Variants in OAS3 observed in about 807,000 individuals in gnomAD.
OAS3 encodes 2'-5'-oligoadenylate synthase 3.
Under a neutral mutation model 113.0 loss-of-function variants are expected in OAS3, and 107 were observed. The observed-to-expected ratio is 0.95, with a 90% CI of 0.81 to 1.11. OAS3 has a LOEUF of 1.11. Ranked by LOEUF, OAS3 falls within the 50% of genes most tolerant of loss-of-function variation. The pLI, the probability that OAS3 is intolerant of heterozygous loss-of-function variation, is 0.00. For synonymous variants in OAS3, 552 were observed against 573.6 expected (o/e 0.96, Z 0.54); for missense variants, 1,258 against 1,389.1 (o/e 0.91, Z 1.50).
chr12:112,967,397 T>A, intron 12 of OAS3, 21 bp from the exon 13 acceptor site: 1 of 1,601,830 alleles, frequency 6.2e-7, no homozygotes, highest in Non-Finnish European at 8.5e-7. Flanking sequence ...GGAGTGATGG[T>A]AACCATCTCC....
At position 112,946,924 on chromosome 12, in the gene OAS3, A is replaced by G. The variant is rs1470816263; in HGVS notation, c.818A>G (p.Tyr273Cys). 6.2e-6 allele frequency: 10 copies of G among 1,614,008 alleles called. No individual in the cohort carries two copies. Among genetic ancestry groups the G allele is most frequent in the South Asian group, 1.1e-5 (1 of 91,078 alleles). ...QHLCVFWTVN[Y>C]GFEDPAVGQF... is the part of the protein sequence containing the mutation. ...CTGTGTGTTTTCTGGACTGTCAACTATGGCTTCGAGGACCCTGCAGTTGGG... is the reference window on the plus strand; with the variant it reads ...CTGTGTGTTTTCTGGACTGTCAACTGTGGCTTCGAGGACCCTGCAGTTGGG... Residue 273 changes from tyrosine to cysteine, a missense_variant, in exon 4 of 16, where the codon TAT becomes TGT. Transcript: ENST00000228928.
chr12:112,942,042 T>C, intron 2 of OAS3, 190 bp downstream of exon 2: 1 of 681,990 alleles, frequency 1.5e-6, no homozygotes, highest in East Asian at 2.7e-5. Context: ...CCCCAGTTCC[T>C]CCTGGATCTG....
rs779017366 is a variant in OAS3, at chr12:112,948,897, C to T, written c.1066C>T (p.Pro356Ser). The T allele has an allele frequency of 5.0e-6, 8 of 1,598,400 alleles. No homozygotes were observed. The highest frequency in any genetic ancestry group is 6.8e-6 in the Non-Finnish European group (8 of 1,172,290). Residue 356 changes from proline to serine, a missense_variant, in exon 6 of 16, where the codon CCC becomes TCC. Coordinates refer to ENST00000228928, the MANE Select transcript of OAS3 (RefSeq NM_006187.4). ...PRAGCSGLGH[P>S]IQLDPNQKTP... ...TGCTGGATGCTCAGGTTTGGGCCACCCCATCCAGCTAGACCCTAACCAGAA... is the reference window on the plus strand; with the variant it reads ...TGCTGGATGCTCAGGTTTGGGCCACTCCATCCAGCTAGACCCTAACCAGAA...
chr12:112,962,990 G>A (rs903292589), intron 9 of OAS3, 88 bp downstream of exon 9: 2 of 1,560,478 alleles, frequency 1.3e-6, no homozygotes, highest in Non-Finnish European at 1.7e-6. Context: ...GGAGTCCAAG[G>A]TAGGGTTTGG....
intron 3 of OAS3, 117 bp downstream of exon 3, chr12:112,944,768 CTGTT>C (rs2043712663): frequency 9.3e-7 from 1 of 1,072,438 alleles, no homozygotes; most frequent in South Asian, 1.3e-5. Flanking sequence ...TGGGAATTGT[CTGTT>C]TATGTCCCTT....
intron 7 of OAS3, among the ~76,000 whole-genome samples, chr12:112,959,425 T>C (rs566840281): frequency 6.6e-6 from 1 of 152,264 alleles, no homozygotes; most frequent in East Asian, 1.9e-4. Context: ...CCATCTTCTG[T>C]GTCACTCACG....
At chr12:112,966,474 T>C (rs1253106683) in intron 12 of OAS3, among the ~76,000 whole-genome samples, 1 of 152,202 alleles carries the variant, frequency 6.6e-6, no homozygotes, top group East Asian at 1.9e-4. Context: ...CTGTGCCCAG[T>C]GCTCTTCCAG....
chr12:112,949,255 G>T (rs368625790), intron 6 of OAS3, 50 bp downstream of exon 6: 2 of 1,518,770 alleles, frequency 1.3e-6, no homozygotes, highest in Non-Finnish European at 1.8e-6. Context: ...AGGGATCAGC[G>T]TGGGGAAGGG....
chr12:112,945,260 C>G (rs2043717834), intron 3 of OAS3: 1 of 143,526 alleles, frequency 7.0e-6, no homozygotes, highest in African/African-American at 2.7e-5. Flanking sequence ...TGCAGTAAGC[C>G]AAGATTGCAC....
chr12:112,946,954 T>C lies in OAS3; in HGVS notation c.848T>C (p.Phe283Ser), dbSNP rs369506154. ...YGFEDPAVGQ[F>S]LQRQLKRPRP... The stretch of plus-strand genomic sequence containing the variant: ...TTCGAGGACCCTGCAGTTGGGCAGT[T>C]CTTGCAGCGGCAGCTTAAGAGACCC... Residue 283 changes from phenylalanine (F) to serine (S), a missense_variant, in exon 4 of 16, where the codon TTC becomes TCC. Transcript: ENST00000228928. 76 of 1,613,912 alleles carry C rather than the reference T, an allele frequency of 4.7e-5. No individual in the cohort carries two copies. Among genetic ancestry groups the C allele is most frequent in the Non-Finnish European group, 6.2e-5 (73 of 1,179,890 alleles).
chr12:112,960,492 T>G (rs1565979939), intron 7 of OAS3, among the ~76,000 whole-genome samples: 3 of 152,080 alleles, frequency 2.0e-5, no homozygotes, highest in Non-Finnish European at 4.4e-5. Flanking sequence ...TTCCTCTCTG[T>G]GTCTTGTTTT....
chr12:112,941,845 T>TGTC lies in OAS3; in HGVS notation c.454_456dup (p.Val152dup), dbSNP rs1464841632. ...ATGTTAGCCTGGTGCCTGCCTTCAATGTCCTGGGTGAGGGGTTCCTAGACC... is the reference window on the plus strand; with the variant it reads ...ATGTTAGCCTGGTGCCTGCCTTCAATGTCGTCCTGGGTGAGGGGTTCCTAGACC... On this transcript the variant is annotated inframe_insertion, in exon 2 of 16. Transcript: ENST00000228928. 2 of 1,614,016 alleles carry TGTC rather than the reference T, an allele frequency of 1.2e-6. No homozygotes were observed. Among genetic ancestry groups the TGTC allele is most frequent in the Non-Finnish European group, 1.7e-6 (2 of 1,179,886 alleles).
intron 3 of OAS3, among the ~76,000 whole-genome samples, chr12:112,945,865 G>A (rs777905640): frequency 1.3e-4 from 20 of 152,144 alleles, no homozygotes; most frequent in East Asian, 3.9e-4. Flanking sequence ...GGTGGCTCAC[G>A]CCTGTGGTCC....
At chr12:112,944,965 T>C (rs1002860137) in intron 3 of OAS3, 18 of 387,504 alleles carry the variant, frequency 4.6e-5, no homozygotes, top group Non-Finnish European at 7.4e-5. Context: ...CAGTTTAATG[T>C]ACTCAGATAT....
At chr12:112,958,748 G>A (rs780264372) in intron 7 of OAS3, among the ~76,000 whole-genome samples, 11 of 152,262 alleles carry the variant, frequency 7.2e-5, no homozygotes, top group African/African-American at 1.2e-4. Flanking sequence ...GGTGTCAGTC[G>A]GCCCCTACGG....
chr12:112,944,151 C>T (rs2269899), intron 2 of OAS3, among the ~76,000 whole-genome samples: 102,774 of 152,064 alleles, frequency 0.68, 34,908 homozygotes, highest in East Asian at 0.77. Context: ...AGGCTGCAGG[C>T]ACTGCTGACT....
rs1225930669 is a variant in OAS3, at chr12:112,949,157, G to C, written c.1326G>C (p.Leu442Phe). 7.4e-6 allele frequency: 12 copies of C among 1,613,546 alleles called. No homozygotes were observed. Among genetic ancestry groups the C allele is most frequent in the African/African-American group, 2.7e-5 (2 of 74,894 alleles). Reference protein sequence around the residue: ...EQVKKAIDIILRCLHENCVHK... With the variant: ...EQVKKAIDIIFRCLHENCVHK... ...TGAAAAAGGCCATTGACATCATCTT[G>C]CGCTGCCTCCATGAGAACTGTGTTC... The change falls in exon 6 of 16, where the codon TTG becomes TTC. Residue 442 changes from leucine (L) to phenylalanine (F), a missense_variant. Physicochemically the swap from Leu to Phe is conservative, Grantham distance 22 (BLOSUM62 0). Coordinates refer to ENST00000228928, the MANE Select transcript of OAS3 (RefSeq NM_006187.4).
Position 112,947,996 on chromosome 12 carries a change from C to A in OAS3, c.926C>A (p.Ala309Glu). Reference sequence around the variant, plus strand: ...CCCACATGGGACCTGGGGAATGGGGCAGCCTGGCACTGGGATTTGCTAGCC... The same window carrying A: ...CCCACATGGGACCTGGGGAATGGGGAAGCCTGGCACTGGGATTTGCTAGCC... Reference protein sequence around the residue: ...ADPTWDLGNGAAWHWDLLAQE... With the variant: ...ADPTWDLGNGEAWHWDLLAQE... The change falls in exon 5 of 16, where the codon GCA (alanine) becomes GAA (glutamate). Residue 309 changes from alanine to glutamate, a missense_variant. By Grantham distance (107) the Ala-to-Glu change is moderately radical (BLOSUM62 -1). Transcript: ENST00000228928. The A allele has an allele frequency of 1.2e-6, 2 of 1,602,796 alleles. No homozygotes were observed. Among genetic ancestry groups the A allele is most frequent in the Non-Finnish European group, 1.7e-6 (2 of 1,174,904 alleles).
chr12:112,940,631 A>G (rs2043670970), intron 1 of OAS3, among the ~76,000 whole-genome samples: 1 of 152,242 alleles, frequency 6.6e-6, no homozygotes. Context: ...CAAAGATTGC[A>G]AATGTGTGTT....
Sources: allele counts gnomAD v4.1 joint callset (sites outside exome capture counted in the v4.1 genomes callset), GRCh38; gene constraint gnomAD v4.1.1; transcripts MANE v1.5; gene names NCBI Gene and HGNC (gene_info 2026-07-23, HGNC 2026-07-21).